DSG4: variants seen among roughly 807,000 people sequenced by gnomAD.
DSG4 encodes desmoglein-4.
DSG4 carries 87 observed loss-of-function variants against 93.1 expected under a neutral mutation model. That is an observed-to-expected ratio of 0.93 (90% confidence interval 0.79 to 1.12). The LOEUF (loss-of-function observed/expected upper bound fraction) is 1.12, where lower values mean the gene tolerates loss of function less well. Ranked by LOEUF, DSG4 falls within the 50% of genes most tolerant of loss-of-function variation. The probability of loss-of-function intolerance (pLI) is 0.00; values close to 1 mark genes in which losing one functional copy is unlikely to be tolerated. For synonymous variants in DSG4, 432 were observed against 452.9 expected, an observed-to-expected ratio of 0.95 and a Z score of 0.59; for missense variants, 1,373 against 1,285.7, an observed-to-expected ratio of 1.07 and a Z score of -1.04.
At chr18:31,412,663 C>G (rs1568074728) in intron 15 of DSG4, among the ~76,000 whole-genome samples, 165 bp from the exon 16 acceptor site, 1 of 152,144 alleles carries the variant, frequency 6.6e-6, no homozygotes, top group Non-Finnish European at 1.5e-5. Context: ...AATGCTATCA[C>G]AGAATGTGCA....
chr18:31,411,363 G>A lies in DSG4; in HGVS notation c.2270G>A (p.Arg757Lys). 6.2e-7 allele frequency: 1 copy of A among 1,614,166 alleles called. No individual in the cohort carries two copies. Among genetic ancestry groups the A allele is most frequent in the Non-Finnish European group, 8.5e-7 (1 of 1,180,040 alleles). Residue 757 changes from arginine to lysine, a missense_variant, in exon 15 of 16, where the codon AGG becomes AAG. By Grantham distance (26) the Arg-to-Lys change is conservative (BLOSUM62 2). Transcript: ENST00000308128. ...GCCGCAGGAGCCTCAGGGGCCGCAAGGAAGAGGAGCTCTACCATGGGAACC... is the reference window on the plus strand; with the variant it reads ...GCCGCAGGAGCCTCAGGGGCCGCAAAGAAGAGGAGCTCTACCATGGGAACC... Reference protein sequence around the residue: ...AGAAGASGAARKRSSTMGTLR... With the variant: ...AGAAGASGAAKKRSSTMGTLR...
At chr18:31,377,806 A>T (rs898844651) in intron 1 of DSG4, among the ~76,000 whole-genome samples, 2 of 152,236 alleles carry the variant, frequency 1.3e-5, no homozygotes, top group African/African-American at 2.4e-5. Context: ...TTTTCAAAGT[A>T]AATTAAGACA....
At chr18:31,386,018 T>C (rs1038794674) in intron 2 of DSG4, among the ~76,000 whole-genome samples, 1 of 152,050 alleles carries the variant, frequency 6.6e-6, no homozygotes, top group Non-Finnish European at 1.5e-5. Context: ...TAAGTATACA[T>C]CAATAGCAGC....
intron 5 of DSG4, among the ~76,000 whole-genome samples, chr18:31,390,240 T>A (rs560429768): frequency 6.6e-6 from 1 of 152,186 alleles, no homozygotes; most frequent in African/African-American, 2.4e-5. Context: ...GTTCAATACA[T>A]AATTATAATG....
At position 31,392,210 on chromosome 18, in the gene DSG4, C is replaced by A. The variant is rs531496020; in HGVS notation, c.875C>A (p.Ala292Glu). ...AGTTCGGAACTGATACGATTACAAG[C>A]AATTGATCTTGATGAAGAAGGCACT... ...CLSSELIRLQ[A>E]IDLDEEGTDN... The change falls in exon 8 of 16, where the codon GCA becomes GAA. Residue 292 changes from alanine to glutamate, a missense_variant. Ala to Glu is a moderately radical substitution (Grantham distance 107). Coordinates refer to ENST00000308128, the MANE Select transcript of DSG4 (RefSeq NM_177986.5). 1.2e-6 allele frequency: 2 copies of A among 1,613,736 alleles called. No homozygotes were observed. Among genetic ancestry groups the A allele is most frequent in the East Asian group, 4.5e-5 (2 of 44,776 alleles).
chr18:31,413,525 G>A lies in DSG4; in HGVS notation c.3053G>A (p.Gly1018Asp), dbSNP rs777378944. ...SPDLPIGQTV[G>D]STSPMTSRHR... ...GACCTTCCCATAGGCCAAACCGTTG[G>A]CTCCACATCCCCCATGACATCTCGA... is the stretch of plus-strand genomic sequence containing the variant. The change falls in exon 16 of 16, where the codon GGC becomes GAC. Residue 1018 changes from glycine to aspartate, a missense_variant. Coordinates refer to ENST00000308128, the MANE Select transcript of DSG4 (RefSeq NM_177986.5). The A allele has an allele frequency of 2.5e-6, 4 of 1,613,816 alleles. No individual in the cohort carries two copies. Among genetic ancestry groups the A allele is most frequent in the African/African-American group, 2.7e-5 (2 of 74,824 alleles).
rs546666888 is a variant in DSG4, at chr18:31,389,813, T to A, written c.517+795T>A. On this transcript the variant is annotated intron_variant, in intron 5 of 15. Coordinates refer to ENST00000308128, the MANE Select transcript of DSG4 (RefSeq NM_177986.5). ...GGAAAAAAGGCAGATAAACACAAAA[T>A]TTTTTTTTGAACTAGGATAGTCCTC... is the stretch of plus-strand genomic sequence containing the variant. Among the ~76,000 whole-genome samples, 18 of 151,878 alleles carry A rather than the reference T, an allele frequency of 1.2e-4. No homozygotes were observed. The East Asian group carries it at 1.4e-3, about 11-fold the overall frequency.
At chr18:31,384,796 A>T (rs2072170255) in intron 1 of DSG4, among the ~76,000 whole-genome samples, 1 of 152,096 alleles carries the variant, frequency 6.6e-6, no homozygotes, top group Non-Finnish European at 1.5e-5. Context: ...TCCTCTTATC[A>T]AACTAGCTTC....
chr18:31,388,719 G>A (rs1279746724), intron 4 of DSG4, among the ~76,000 whole-genome samples, 155 bp from the exon 5 acceptor site: 1 of 152,134 alleles, frequency 6.6e-6, no homozygotes, highest in Non-Finnish European at 1.5e-5. Flanking sequence ...TGTACATGTA[G>A]TCAAGTGTCC....
chr18:31,379,298 T>C (rs1408861111), intron 1 of DSG4, among the ~76,000 whole-genome samples: 6 of 152,198 alleles, frequency 3.9e-5, no homozygotes, highest in Non-Finnish European at 7.3e-5. Context: ...TGAGAATGTA[T>C]GGTTAGACAT....
rs34620697 is a variant in DSG4 at position 31,403,566 on chromosome 18, C to G, written c.1568C>G (p.Pro523Arg). 3 of 1,613,862 alleles carry G rather than the reference C, an allele frequency of 1.9e-6. No individual in the cohort carries two copies. Among genetic ancestry groups the G allele is most frequent in the East Asian group, 4.5e-5 (2 of 44,874 alleles). Residue 523 changes from proline (P) to arginine (R), a missense_variant, in exon 11 of 16, where the codon CCG becomes CGG. Pro to Arg is a moderately radical substitution (Grantham distance 103). Coordinates refer to ENST00000308128, the MANE Select transcript of DSG4 (RefSeq NM_177986.5). The stretch of plus-strand genomic sequence containing the variant: ...GTTAATGAACATTCTTATGGGTCTC[C>G]GTTTACTTTCTGTGTTGTTGATGAG... ...ISVNEHSYGS[P>R]FTFCVVDEPP...
At position 31,412,058 on chromosome 18, in the gene DSG4, A is replaced by C. The variant is rs569827379; in HGVS notation, c.2355+610A>C. ...AAAAGAAAGGAAATCAGTATATCAA[A>C]GAAATATATGCACCCCCATGTTTAT... On this transcript the variant is annotated intron_variant, in intron 15 of 15. Transcript: ENST00000308128. Among the ~76,000 whole-genome samples, 7 of 152,310 alleles carry C rather than the reference A, an allele frequency of 4.6e-5. No homozygotes were observed. The South Asian group carries it at 1.5e-3, about 32-fold the overall frequency.
Position 31,383,837 on chromosome 18 carries a change from AAG to A in DSG4, c.49-1294_49-1293del, listed in dbSNP as rs1463441815. On this transcript the variant is annotated intron_variant, in intron 1 of 15. Transcript: ENST00000308128. ...GAAAATATTGACGTCAATATTGAGA[AAG>A]AGAGTTAATTTCAAGGCACTTAACA... 2.0e-5 allele frequency among the ~76,000 whole-genome samples: 3 copies of A among 152,302 alleles called. No individual in the cohort carries two copies. In the East Asian group the frequency reaches 5.8e-4, roughly 29 times the overall value.
At chr18:31,409,342 T>C in intron 12 of DSG4, 110 bp from the exon 13 acceptor site, 1 of 1,513,040 alleles carries the variant, frequency 6.6e-7, no homozygotes. Context: ...CATATATTTG[T>C]ATTTTTGTTC....
intron 8 of DSG4, 52 bp downstream of exon 8, chr18:31,392,392 A>C (rs1360371415): frequency 1.9e-6 from 3 of 1,584,322 alleles, no homozygotes; most frequent in East Asian, 4.5e-5. Context: ...TATTCCAAAG[A>C]AGTTTTAAAT....
chr18:31,400,582 T>C (rs1322330648), intron 9 of DSG4, among the ~76,000 whole-genome samples: 2 of 152,172 alleles, frequency 1.3e-5, no homozygotes, highest in Non-Finnish European at 2.9e-5. Context: ...GAATAAAGGA[T>C]GTTTTACATT....
intron 9 of DSG4, 84 bp from the exon 10 acceptor site, chr18:31,400,797 G>A: frequency 1.4e-6 from 2 of 1,423,112 alleles, no homozygotes; most frequent in African/African-American, 1.4e-5. Flanking sequence ...CAATATTAAA[G>A]TTTGCCACAT....
Position 31,412,785 on chromosome 18 carries a change from G to A in DSG4, c.2356-43G>A. On this transcript the variant is annotated intron_variant, in intron 15 of 15. Transcript: ENST00000308128. ...ATTGCTGTTATTCTTCCTTATTTTA[G>A]GGAAAAAGAAATTTCTAATTCTGTA... is the stretch of plus-strand genomic sequence containing the variant. 3 of 1,607,608 alleles carry A rather than the reference G, an allele frequency of 1.9e-6. No individual in the cohort carries two copies. In the South Asian group the frequency reaches 3.3e-5, roughly 18 times the overall value.
At chr18:31,406,739 G>A (rs184873653) in intron 12 of DSG4, among the ~76,000 whole-genome samples, 15 of 152,172 alleles carry the variant, frequency 9.9e-5, no homozygotes, top group Non-Finnish European at 1.8e-4. Flanking sequence ...AGTGGATTTT[G>A]AGGTGAGCCT....
Sources: gnomAD v4.1 joint callset for allele counts (sites outside exome capture counted in the v4.1 genomes callset) on GRCh38, gnomAD v4.1.1 for gene constraint, MANE v1.5 for transcripts, NCBI Gene and HGNC (gene_info 2026-07-23, HGNC 2026-07-21) for gene names.